The following EPHA6 variants were observed in gnomAD, a reference collection of about 807,000 sequenced individuals.
EPHA6 encodes the protein EPH receptor A6.
A neutral mutation model predicts 112.0 loss-of-function variants in EPHA6; 50 were observed. The observed-to-expected ratio is 0.45, with a 90% CI of 0.36 to 0.56. The LOEUF is 0.56. Ranked by LOEUF, EPHA6 falls within the 20% of genes least tolerant of loss-of-function variation. EPHA6 has a pLI of 0.00. For missense variants in EPHA6, 1,280 were observed against 1,417.4 expected, an observed-to-expected ratio of 0.90 and a Z score of 1.56; for synonymous variants, 529 against 490.7, an observed-to-expected ratio of 1.08 and a Z score of -1.03.
rs144953567 is a variant in EPHA6 at position 97,496,385 on chromosome 3, A to C, written c.2200+12326A>C. On this transcript the variant is annotated intron_variant, in intron 10 of 17. Transcript: ENST00000389672. Reference sequence around the variant, plus strand: ...ATTATTATTTCTTTTATCATCACAAACCTATAAATCACAAGGATCACATAT... The same window carrying C: ...ATTATTATTTCTTTTATCATCACAACCCTATAAATCACAAGGATCACATAT... Among the ~76,000 whole-genome samples the C allele has an allele frequency of 6.5e-3, 994 of 152,230 alleles. 11 individuals carry two copies. Among genetic ancestry groups the C allele is most frequent in the African/African-American group, 0.022 (914 of 41,550 alleles).
intron 1 of EPHA6, among the ~76,000 whole-genome samples, chr3:96,853,307 T>C (rs2035505923): frequency 6.6e-6 from 1 of 152,154 alleles, no homozygotes; most frequent in Admixed American, 6.5e-5. Context: ...AGGAGGTCTG[T>C]AGAAGGTATC....
At chr3:97,068,165 G>GAAAAAAAAAAAA (rs75312712) in intron 3 of EPHA6, among the ~76,000 whole-genome samples, 1 of 69,626 alleles carries the variant, frequency 1.4e-5, no homozygotes, top group Non-Finnish European at 2.4e-5. Flanking sequence ...AAAAAAAAAA[G>GAAAAAAAAAAAA]AAAAAAAAAA....
intron 2 of EPHA6, among the ~76,000 whole-genome samples, chr3:96,888,023 A>G (rs1283559213): frequency 1.3e-5 from 2 of 152,036 alleles, no homozygotes; most frequent in Non-Finnish European, 2.9e-5. Context: ...CCCACCTCCC[A>G]GCTGTGAAAG....
intron 14 of EPHA6, among the ~76,000 whole-genome samples, chr3:97,645,317 A>G (rs1380458535): frequency 6.8e-6 from 1 of 146,058 alleles, no homozygotes; most frequent in African/African-American, 2.6e-5. Context: ...CATATACACC[A>G]TGGAATACTA....
At chr3:97,230,166 T>A (rs2078483210) in intron 4 of EPHA6, among the ~76,000 whole-genome samples, 1 of 152,134 alleles carries the variant, frequency 6.6e-6, no homozygotes, top group African/African-American at 2.4e-5. Flanking sequence ...GAGGAAAATA[T>A]CTTTTTATTT....
At chr3:96,966,250 C>T (rs2042117915) in intron 2 of EPHA6, among the ~76,000 whole-genome samples, 1 of 152,022 alleles carries the variant, frequency 6.6e-6, no homozygotes, top group Non-Finnish European at 1.5e-5. Context: ...AGTATCCCAT[C>T]ATTAATACGG....
intron 2 of EPHA6, among the ~76,000 whole-genome samples, chr3:96,897,306 A>G (rs1258066234): frequency 1.3e-5 from 2 of 152,002 alleles, no homozygotes; most frequent in African/African-American, 4.8e-5. Flanking sequence ...AGCAAACCAA[A>G]TTTCTTCTTA....
intron 6 of EPHA6, among the ~76,000 whole-genome samples, chr3:97,408,363 C>T (rs1439959373): frequency 6.6e-6 from 1 of 151,946 alleles, no homozygotes; most frequent in South Asian, 2.1e-4. Flanking sequence ...TGTCCTTACC[C>T]TTTGTGTTCA....
At chr3:97,307,056 A>G (rs1010355972) in intron 5 of EPHA6, among the ~76,000 whole-genome samples, 1 of 151,802 alleles carries the variant, frequency 6.6e-6, no homozygotes, top group African/African-American at 2.4e-5. Context: ...ATTTGTTATA[A>G]ATTTATTCTA....
chr3:97,508,831 T>C (rs1247156916), intron 10 of EPHA6, among the ~76,000 whole-genome samples: 3 of 152,142 alleles, frequency 2.0e-5, no homozygotes, highest in Non-Finnish European at 4.4e-5. Flanking sequence ...TTTATGAACC[T>C]GGGAGCTTCT....
chr3:96,831,132 G>A (rs1474910629), intron 1 of EPHA6, among the ~76,000 whole-genome samples: 1 of 151,986 alleles, frequency 6.6e-6, no homozygotes, highest in East Asian at 1.9e-4. Context: ...ATGATTTTAA[G>A]TAATATTGTC....
At chr3:97,046,589 T>C (rs13320592) in intron 3 of EPHA6, among the ~76,000 whole-genome samples, 2,780 of 152,294 alleles carry the variant, frequency 0.018, 72 homozygotes, top group African/African-American at 0.052. Context: ...AATTGTTATT[T>C]AGAGATATTA....
intron 4 of EPHA6, among the ~76,000 whole-genome samples, chr3:97,237,896 A>G (rs1400393777): frequency 6.6e-6 from 1 of 151,942 alleles, no homozygotes; most frequent in Admixed American, 6.6e-5. Flanking sequence ...CCAGGTCCTC[A>G]TTATTTTATT....
At chr3:97,103,778 A>T (rs2108266113) in intron 3 of EPHA6, among the ~76,000 whole-genome samples, 1 of 152,196 alleles carries the variant, frequency 6.6e-6, no homozygotes, top group South Asian at 2.1e-4. Flanking sequence ...CCTATACATG[A>T]TCATGGAACG....
intron 3 of EPHA6, among the ~76,000 whole-genome samples, chr3:97,174,294 A>T (rs1000795367): frequency 5.3e-5 from 8 of 151,780 alleles, no homozygotes. Context: ...TTATCCATTC[A>T]TCTGGTGATG....
intron 2 of EPHA6, among the ~76,000 whole-genome samples, chr3:96,895,985 G>A (rs1027734973): frequency 6.6e-6 from 1 of 152,128 alleles, no homozygotes; most frequent in Non-Finnish European, 1.5e-5. Context: ...GCCTATGTGT[G>A]AAGTAGGCTT....
intron 6 of EPHA6, among the ~76,000 whole-genome samples, chr3:97,423,339 G>A (rs1184480934): frequency 6.6e-6 from 1 of 152,100 alleles, no homozygotes; most frequent in Non-Finnish European, 1.5e-5. Context: ...AAAATTGGTA[G>A]CATTTTTATA....
intron 5 of EPHA6, among the ~76,000 whole-genome samples, chr3:97,268,659 G>T (rs2079777759): frequency 6.6e-6 from 1 of 151,980 alleles, no homozygotes; most frequent in South Asian, 2.1e-4. Flanking sequence ...AAAGAACAAA[G>T]AATATATTTT....
At chr3:97,334,653 G>T (rs917616199) in intron 5 of EPHA6, among the ~76,000 whole-genome samples, 2 of 151,788 alleles carry the variant, frequency 1.3e-5, no homozygotes, top group Non-Finnish European at 2.9e-5. Context: ...ATAAAAGGGA[G>T]ATTTTAAATA....
Sources: allele counts gnomAD v4.1 joint callset (sites outside exome capture counted in the v4.1 genomes callset), GRCh38; gene constraint gnomAD v4.1.1; transcripts MANE v1.5; gene names NCBI Gene and HGNC (gene_info 2026-07-23, HGNC 2026-07-21).